PTBP2: variants seen among roughly 807,000 people sequenced by gnomAD.
PTBP2 encodes the protein polypyrimidine tract binding protein 2.
PTBP2 carries 13 observed loss-of-function variants against 61.4 expected under a neutral mutation model. The observed-to-expected ratio is 0.21, with a 90% confidence interval of 0.14 to 0.34. The LOEUF is 0.34. Ranked by LOEUF, PTBP2 falls within the 10% of genes least tolerant of loss-of-function variation. The pLI is 1.00. For synonymous variants in PTBP2, 215 were observed against 218.5 expected (o/e 0.98, Z 0.14); for missense variants, 405 against 642.6 (o/e 0.63, Z 4.00).
At chr1:96,729,083 C>T (rs1033790152) in intron 2 of PTBP2, among the ~76,000 whole-genome samples, 2 of 152,188 alleles carry the variant, frequency 1.3e-5, no homozygotes, top group South Asian at 2.1e-4. Context: ...AGTGCAGTGA[C>T]GTGATCTTGG....
At chr1:96,785,282 T>G (rs753711115) in intron 8 of PTBP2, 28 bp downstream of exon 8, 2 of 1,492,290 alleles carry the variant, frequency 1.3e-6, no homozygotes, top group South Asian at 2.7e-5. Flanking sequence ...TTAACCACTT[T>G]TCTCCCATTT....
intron 8 of PTBP2, among the ~76,000 whole-genome samples, chr1:96,792,714 A>T (rs1053700551): frequency 2.0e-5 from 2 of 101,232 alleles, no homozygotes; most frequent in African/African-American, 8.7e-5. Flanking sequence ...AAAATTGGGT[A>T]CAAAACGGGT....
At chr1:96,752,077 G>A (rs1654621182) in intron 3 of PTBP2, among the ~76,000 whole-genome samples, 1 of 152,008 alleles carries the variant, frequency 6.6e-6, no homozygotes, top group Admixed American at 6.6e-5. Flanking sequence ...CTGAAATAAT[G>A]TTGTTTGTAG....
rs759509688 is a variant in PTBP2, at chr1:96,804,811, G to T, written c.916G>T (p.Ala306Ser). 1 of 1,609,104 alleles carries T rather than the reference G, an allele frequency of 6.2e-7. No homozygotes were observed. Among genetic ancestry groups the T allele is most frequent in the South Asian group, 1.1e-5 (1 of 90,740 alleles). The change falls in exon 9 of 14, where the codon GCT becomes TCT. Residue 306 changes from alanine to serine, a missense_variant. Physicochemically the swap from Ala to Ser is moderately conservative, Grantham distance 99. Around this residue, in one of 4 missense-constraint regions of PTBP2, gnomAD observed 342 missense variants for 491.2 expected, o/e 0.70. Coordinates refer to ENST00000674951, the MANE Select transcript of PTBP2 (RefSeq NM_021190.4). ...GCTTCCTGTTGCAGCTGTTCCAGGA[G>T]CTCTGAGTCCTTTGGCCATTCCAAA... The part of the protein sequence containing the change: ...KETSLLAVPG[A>S]LSPLAIPNAA...
chr1:96,822,702 T>C (rs776634226), exon 14 of PTBP2: 6 of 152,186 alleles, frequency 3.9e-5, no homozygotes, highest in Non-Finnish European at 7.3e-5. Flanking sequence ...AATTACAAAA[T>C]TAAGACTTCC....
intron 3 of PTBP2, among the ~76,000 whole-genome samples, chr1:96,758,513 T>C (rs527775222): frequency 3.3e-5 from 5 of 152,176 alleles, no homozygotes; most frequent in South Asian, 2.1e-4. Context: ...TGTTGGTAAA[T>C]CACCTCCGGT....
intron 1 of PTBP2, among the ~76,000 whole-genome samples, chr1:96,722,498 G>C (rs907602804): frequency 2.7e-5 from 4 of 146,468 alleles, no homozygotes; most frequent in African/African-American, 7.5e-5. Flanking sequence ...ATACTCCTTT[G>C]TTTTCATTTG....
intron 8 of PTBP2, among the ~76,000 whole-genome samples, chr1:96,791,826 C>CTTTTTTTTGTTTTTTTTTTTTTTTTTT: frequency 1.5e-5 from 1 of 66,128 alleles, no homozygotes; most frequent in Non-Finnish European, 2.6e-5. Flanking sequence ...TGGAGTTGTG[C>CTTTTTTTTGTTTTTTTTTTTTTTTTTT]TTTTTTTTTT....
At position 96,813,661 on chromosome 1, in the gene PTBP2, C is replaced by CTTTTTTTTTTTTTTTT. The variant is rs66475516; in HGVS notation, c.*262_*277dup. On this transcript the variant is annotated 3_prime_UTR_variant, in exon 14 of 14. Coordinates refer to ENST00000674951, the MANE Select transcript of PTBP2 (RefSeq NM_021190.4). ...TGTTTAAAATTTCAGTTTAATTTTGCTTTTTTTTTTTTTTTTTTTTTCCTT... is the reference window on the plus strand; with the variant it reads ...TGTTTAAAATTTCAGTTTAATTTTGCTTTTTTTTTTTTTTTTTTTTTTTTTTTTTTTTTTTTTCCTT... 6 of 120,694 alleles carry CTTTTTTTTTTTTTTTT rather than the reference C, an allele frequency of 5.0e-5. No individual in the cohort carries two copies. The highest frequency in any genetic ancestry group is 1.6e-4 in the African/African-American group (4 of 24,932). 7.5% of individuals were successfully genotyped at this position (120,694 alleles called of 1,614,324 possible).
intron 3 of PTBP2, among the ~76,000 whole-genome samples, chr1:96,752,083 T>C (rs892786436): frequency 6.6e-6 from 1 of 152,132 alleles, no homozygotes; most frequent in Non-Finnish European, 1.5e-5. Context: ...TAATGTTGTT[T>C]GTAGCATCTG....
At chr1:96,754,254 A>G (rs1347831309) in intron 3 of PTBP2, among the ~76,000 whole-genome samples, 1 of 152,184 alleles carries the variant, frequency 6.6e-6, no homozygotes, top group African/African-American at 2.4e-5. Context: ...TACAGGGGAT[A>G]AGAGGAGTAC....
At chr1:96,794,416 A>G (rs551839478) in intron 8 of PTBP2, among the ~76,000 whole-genome samples, 2 of 152,362 alleles carry the variant, frequency 1.3e-5, no homozygotes, top group Non-Finnish European at 2.9e-5. Context: ...AAGAAAAACT[A>G]TATATGTTTG....
intron 3 of PTBP2, among the ~76,000 whole-genome samples, chr1:96,756,138 C>T (rs1173005818): frequency 6.6e-6 from 1 of 152,192 alleles, no homozygotes; most frequent in Non-Finnish European, 1.5e-5. Context: ...GTGGCTTACG[C>T]CTGTAATCCC....
exon 14 of PTBP2, chr1:96,822,799 G>A (rs1176256263): frequency 1.3e-5 from 2 of 152,136 alleles, no homozygotes; most frequent in South Asian, 4.1e-4. Flanking sequence ...CCATGGCCAT[G>A]CCTCTCTGTG....
In PTBP2 at chr1:96,807,293, A is replaced by G. The variant is rs373508225; in HGVS notation, c.1171+335A>G. On this transcript the variant is annotated intron_variant, in intron 11 of 13. Coordinates refer to ENST00000674951, the MANE Select transcript of PTBP2 (RefSeq NM_021190.4). Reference sequence around the variant, plus strand: ...CCTTGTTAATAGAGGCTAACTGTTCATACAGTCCATAGAATCCTTCTTAAT... The same window carrying G: ...CCTTGTTAATAGAGGCTAACTGTTCGTACAGTCCATAGAATCCTTCTTAAT... Among the ~76,000 whole-genome samples, 15 of 152,324 alleles carry G rather than the reference A, an allele frequency of 9.8e-5. No individual in the cohort carries two copies. The South Asian group carries it at 3.1e-3, about 32-fold the overall frequency.
intron 3 of PTBP2, among the ~76,000 whole-genome samples, chr1:96,754,085 A>C (rs1047084806): frequency 6.6e-6 from 1 of 152,198 alleles, no homozygotes; most frequent in African/African-American, 2.4e-5. Flanking sequence ...CTAAATAAAA[A>C]GAACCATACT....
chr1:96,741,400 A>G (rs973358523), intron 2 of PTBP2, among the ~76,000 whole-genome samples: 2 of 152,128 alleles, frequency 1.3e-5, no homozygotes, highest in Admixed American at 6.5e-5. Context: ...AGCTGGGACT[A>G]CAGGAATACA....
chr1:96,730,849 C>T (rs1355882408), intron 2 of PTBP2, among the ~76,000 whole-genome samples: 2 of 152,190 alleles, frequency 1.3e-5, no homozygotes, highest in East Asian at 1.9e-4. Context: ...AACATGGACT[C>T]ATTTGTTTTC....
At chr1:96,770,229 A>G (rs1436883317) in intron 4 of PTBP2, among the ~76,000 whole-genome samples, 1 of 151,972 alleles carries the variant, frequency 6.6e-6, no homozygotes, top group Non-Finnish European at 1.5e-5. Context: ...AGAATATGAA[A>G]TTTTATTTAA....
Sources: allele counts gnomAD v4.1 joint callset (sites outside exome capture counted in the v4.1 genomes callset), GRCh38; gene constraint gnomAD v4.1.1; regional missense constraint gnomAD v4.1.1; transcripts MANE v1.5; gene names NCBI Gene and HGNC (gene_info 2026-07-23, HGNC 2026-07-21).